Variants in GRID2 observed in about 807,000 individuals in gnomAD.
GRID2 encodes glutamate receptor ionotropic, delta-2.
Under a neutral mutation model 114.8 loss-of-function variants are expected in GRID2, and 33 were observed. The ratio of observed to expected loss-of-function variants is 0.29; its 90% CI spans 0.22 to 0.38. The LOEUF (loss-of-function observed/expected upper bound fraction) is 0.38, where lower values mean the gene tolerates loss of function less well. GRID2 is among the 10% of genes least tolerant of loss of function. The probability of loss-of-function intolerance (pLI) is 1.00; values close to 1 mark genes in which losing one functional copy is unlikely to be tolerated. For missense variants in GRID2, 1,184 were observed against 1,257.7 expected, an observed-to-expected ratio of 0.94 and a Z score of 0.89; for synonymous variants, 505 against 449.9, an observed-to-expected ratio of 1.12 and a Z score of -1.55.
chr4:92,360,462 C>T (rs974958721), intron 1 of GRID2, among the ~76,000 whole-genome samples: 17 of 151,954 alleles, frequency 1.1e-4, no homozygotes, highest in African/African-American at 2.9e-4. Flanking sequence ...TTACTGAGTG[C>T]CATATGCCAG....
At chr4:93,602,471 G>T (rs572749428) in intron 13 of GRID2, among the ~76,000 whole-genome samples, 1 of 152,304 alleles carries the variant, frequency 6.6e-6, no homozygotes, top group Admixed American at 6.5e-5. Context: ...AACAGTGTCT[G>T]TCACATTTTG....
chr4:93,567,700 A>G (rs994421740), intron 13 of GRID2, among the ~76,000 whole-genome samples: 2 of 152,210 alleles, frequency 1.3e-5, no homozygotes, highest in African/African-American at 4.8e-5. Context: ...ACATTAATGT[A>G]AGCTTTGCCC....
At chr4:92,822,296 T>C in intron 2 of GRID2, 1 of 609,256 alleles carries the variant, frequency 1.6e-6, no homozygotes, top group Non-Finnish European at 3.2e-6. Flanking sequence ...ATGGCCAGCA[T>C]TGCCTCCAGA....
intron 2 of GRID2, among the ~76,000 whole-genome samples, chr4:92,716,234 C>T (rs997923442): frequency 6.6e-6 from 1 of 152,148 alleles, no homozygotes; most frequent in African/African-American, 2.4e-5. Flanking sequence ...AAAGTTAGAT[C>T]CTTCCATTGC....
intron 1 of GRID2, among the ~76,000 whole-genome samples, chr4:92,389,840 C>T (rs573849000): frequency 2.0e-5 from 3 of 151,906 alleles, no homozygotes; most frequent in East Asian, 1.9e-4. Context: ...TCATTCTTGC[C>T]CCTATATTAT....
At chr4:93,288,030 A>G (rs1561088653) in intron 8 of GRID2, among the ~76,000 whole-genome samples, 1 of 152,216 alleles carries the variant, frequency 6.6e-6, no homozygotes, top group Non-Finnish European at 1.5e-5. Flanking sequence ...ACCCTGATAA[A>G]TTATCCCCAC....
chr4:93,714,380 G>C (rs1353561462), intron 14 of GRID2, among the ~76,000 whole-genome samples: 1 of 152,072 alleles, frequency 6.6e-6, no homozygotes, highest in East Asian at 1.9e-4. Context: ...TTGCTATTGT[G>C]AATAATGCTG....
At chr4:93,218,137 C>T (rs903646936) in intron 6 of GRID2, among the ~76,000 whole-genome samples, 11 of 152,072 alleles carry the variant, frequency 7.2e-5, no homozygotes, top group Middle Eastern at 3.4e-3. Context: ...CACTGTAGTA[C>T]GTGGACTGGC....
At chr4:92,744,891 G>A (rs1737070833) in intron 2 of GRID2, among the ~76,000 whole-genome samples, 1 of 152,014 alleles carries the variant, frequency 6.6e-6, no homozygotes, top group Non-Finnish European at 1.5e-5. Context: ...GTTCTGTCTG[G>A]GTACAGTGCT....
At chr4:93,266,069 C>A (rs1750792700) in intron 8 of GRID2, among the ~76,000 whole-genome samples, 1 of 152,126 alleles carries the variant, frequency 6.6e-6, no homozygotes, top group East Asian at 1.9e-4. Flanking sequence ...CACTCCTACA[C>A]ACTCACTCAG....
intron 2 of GRID2, among the ~76,000 whole-genome samples, chr4:92,899,309 G>GA (rs1380325516): frequency 1.3e-5 from 2 of 151,440 alleles, no homozygotes; most frequent in Non-Finnish European, 2.9e-5. Flanking sequence ...TCAGTTTTCC[G>GA]AAAAAATTTA....
Position 93,187,257 on chromosome 4 carries a change from C to T in GRID2, c.736-20147C>T, listed in dbSNP as rs940376289. Among the ~76,000 whole-genome samples, 10 of 152,134 alleles carry T rather than the reference C, an allele frequency of 6.6e-5. No individual in the cohort carries two copies. The East Asian group carries it at 1.9e-3, about 29-fold the overall frequency. On this transcript the variant is annotated intron_variant, in intron 4 of 15. Coordinates refer to ENST00000282020, the MANE Select transcript of GRID2 (RefSeq NM_001510.4). ...ACATGTAAAATATATTTATTCCAGA[C>T]GAATAGCTCCAAAGTCTTTTTTTTT...
chr4:93,456,795 T>C (rs1723247691), intron 11 of GRID2, among the ~76,000 whole-genome samples: 1 of 152,192 alleles, frequency 6.6e-6, no homozygotes, highest in Non-Finnish European at 1.5e-5. Flanking sequence ...TTTCTTTTTA[T>C]TCCTATTTTC....
chr4:93,547,549 C>A (rs1275627416), intron 13 of GRID2, among the ~76,000 whole-genome samples: 1 of 152,102 alleles, frequency 6.6e-6, no homozygotes, highest in Admixed American at 6.5e-5. Flanking sequence ...GATAATTTAC[C>A]CTTTTTTGTG....
intron 1 of GRID2, among the ~76,000 whole-genome samples, chr4:92,503,325 C>T (rs1174493827): frequency 6.6e-6 from 1 of 151,972 alleles, no homozygotes; most frequent in Admixed American, 6.6e-5. Context: ...AATTAGTTTA[C>T]TAAGCTCATT....
intron 14 of GRID2, among the ~76,000 whole-genome samples, chr4:93,628,310 C>A (rs1037252693): frequency 1.3e-5 from 2 of 151,864 alleles, no homozygotes; most frequent in Admixed American, 1.3e-4. Context: ...AAACAAAGAA[C>A]AATATAGACA....
chr4:93,358,277 CAGT>C (rs1761537476), intron 8 of GRID2, among the ~76,000 whole-genome samples: 2 of 151,668 alleles, frequency 1.3e-5, no homozygotes, highest in Non-Finnish European at 3.0e-5. Flanking sequence ...TATTAATTAA[CAGT>C]AGCAAAAATG....
At chr4:93,683,749 AT>A in intron 14 of GRID2, among the ~76,000 whole-genome samples, 1 of 152,060 alleles carries the variant, frequency 6.6e-6, no homozygotes, top group Admixed American at 6.6e-5. Context: ...AGGGAAAATC[AT>A]TTATTTTATT....
chr4:92,695,499 T>C (rs2149296683), intron 2 of GRID2, among the ~76,000 whole-genome samples: 1 of 152,108 alleles, frequency 6.6e-6, no homozygotes, highest in South Asian at 2.1e-4. Context: ...TGCTTGCAAA[T>C]TTACCAGAAC....
Sources: allele counts gnomAD v4.1 joint callset (sites outside exome capture counted in the v4.1 genomes callset), GRCh38; gene constraint gnomAD v4.1.1; transcripts MANE v1.5; gene names NCBI Gene and HGNC (gene_info 2026-07-23, HGNC 2026-07-21).